Variants in STK10 observed in about 807,000 individuals in gnomAD.
STK10 encodes serine/threonine kinase 10.
In STK10, 78 loss-of-function variants were observed where a neutral mutation model predicts 113.8. The ratio of observed to expected loss-of-function variants is 0.69; its 90% CI spans 0.57 to 0.83. The LOEUF (loss-of-function observed/expected upper bound fraction) is 0.83. STK10 is among the 40% of genes least tolerant of loss of function. The pLI is 0.00. For synonymous variants in STK10, 465 were observed against 494.7 expected (o/e 0.94, Z 0.80); for missense variants, 1,109 against 1,280.1 (o/e 0.87, Z 2.04).
chr5:172,076,301 C>T (rs1348435287), intron 12 of STK10, among the ~76,000 whole-genome samples: 1 of 120,784 alleles, frequency 8.3e-6, no homozygotes, highest in East Asian at 2.4e-4. Context: ...CTGTCCTGTG[C>T]GTTAGTTGTG....
In STK10 at chr5:172,120,852, AATG is replaced by A. The variant is rs1163114986; in HGVS notation, c.371-3225_371-3223del. Among the ~76,000 whole-genome samples the A allele has an allele frequency of 1.3e-5, 2 of 152,144 alleles. No homozygotes were observed. The highest frequency in any genetic ancestry group is 6.5e-5 in the Admixed American group (1 of 15,268). On this transcript the variant is annotated intron_variant, in intron 3 of 18. Coordinates refer to ENST00000176763, the MANE Select transcript of STK10 (RefSeq NM_005990.4). The surrounding 1 kb of genome is among the most constrained non-coding windows in gnomAD (Gnocchi z 4.0). Reference sequence around the variant, plus strand: ...ATGAAATAGGAATGACAAAAATACTAATGATGATGATGAAGATAATTATGATCT... The same window carrying A: ...ATGAAATAGGAATGACAAAAATACTAATGATGATGAAGATAATTATGATCT...
intron 4 of STK10, among the ~76,000 whole-genome samples, chr5:172,109,608 A>G (rs926678955): frequency 6.6e-6 from 1 of 152,136 alleles, no homozygotes; most frequent in Non-Finnish European, 1.5e-5. Flanking sequence ...GGACCGGCCA[A>G]TAAGATGTAT....
chr5:172,156,430 T>G (rs536356752), intron 2 of STK10, among the ~76,000 whole-genome samples, 194 bp downstream of exon 2: 74 of 152,306 alleles, frequency 4.9e-4, no homozygotes, highest in African/African-American at 1.6e-3. Context: ...AAATCACTAG[T>G]TCTACTCCCA....
intron 9 of STK10, among the ~76,000 whole-genome samples, chr5:172,090,907 C>T (rs1768687053): frequency 7.0e-6 from 1 of 142,616 alleles, no homozygotes; most frequent in South Asian, 2.2e-4. Context: ...TGCACTCCAG[C>T]CTGGGCCATA....
intron 2 of STK10, among the ~76,000 whole-genome samples, chr5:172,151,190 C>A (rs940452091): frequency 1.3e-5 from 2 of 152,196 alleles, no homozygotes; most frequent in African/African-American, 4.8e-5. Flanking sequence ...TTCCTACAGG[C>A]ACTACTGTGA....
At chr5:172,056,046 T>C (rs1053230332) in intron 15 of STK10, among the ~76,000 whole-genome samples, 16 of 152,148 alleles carry the variant, frequency 1.1e-4, no homozygotes, top group South Asian at 2.1e-4. Context: ...AGCTAATATC[T>C]CAAAGCAAAA....
At chr5:172,084,047 T>C (rs1768495505) in intron 10 of STK10, among the ~76,000 whole-genome samples, 1 of 152,082 alleles carries the variant, frequency 6.6e-6, no homozygotes. Context: ...GATGGAATTC[T>C]ATACAACCTT....
At chr5:172,055,567 C>G (rs371987538) in intron 16 of STK10, 21 bp downstream of exon 16, 2 of 1,432,290 alleles carry the variant, frequency 1.4e-6, no homozygotes, top group Admixed American at 2.6e-5. Flanking sequence ...CACTTGCAGA[C>G]CCCGCAGGCC....
chr5:172,177,703 C>A (rs1397143806), intron 1 of STK10, among the ~76,000 whole-genome samples: 2 of 152,300 alleles, frequency 1.3e-5, no homozygotes, highest in South Asian at 2.1e-4. Flanking sequence ...AAATTCATTT[C>A]CCTATTTTTC....
intron 12 of STK10, among the ~76,000 whole-genome samples, chr5:172,070,683 C>T (rs1419329277): frequency 6.6e-6 from 1 of 151,706 alleles, no homozygotes. Context: ...AAAGCTGGTT[C>T]TTTGATAAGG....
Position 172,057,041 on chromosome 5 carries a change from GAA to G in STK10, c.2337+306_2337+307del, listed in dbSNP as rs200632084. The G allele has an allele frequency of 1.0e-3, 198 of 198,192 alleles. 1 individual carries two copies. The highest frequency in any genetic ancestry group is 4.4e-3 in the African/African-American group (179 of 41,082). The allele number at this position is 198,192 out of a possible 1,614,324, so 12.3% of individuals were successfully genotyped here. ...AGAAAGAAAGAAAGAAAGAAAGAAAGAAAGAAAGAAAAGAAGAAAGGGAAAAA... is the reference window on the plus strand; with the variant it reads ...AGAAAGAAAGAAAGAAAGAAAGAAAGAGAAAGAAAAGAAGAAAGGGAAAAA... On this transcript the variant is annotated intron_variant, in intron 15 of 18. Coordinates refer to ENST00000176763, the MANE Select transcript of STK10 (RefSeq NM_005990.4).
At chr5:172,160,720 A>G (rs1770453596) in intron 1 of STK10, among the ~76,000 whole-genome samples, 1 of 152,170 alleles carries the variant, frequency 6.6e-6, no homozygotes, top group Non-Finnish European at 1.5e-5. Flanking sequence ...CTAGCACCCT[A>G]TGGATGACAA....
chr5:172,061,015 AATG>A, intron 14 of STK10, 121 bp downstream of exon 14: 2 of 1,402,678 alleles, frequency 1.4e-6, no homozygotes, highest in Non-Finnish European at 1.9e-6. Flanking sequence ...CCCCATGAAG[AATG>A]ATGTTTAGTT....
intron 6 of STK10, 42 bp downstream of exon 6, chr5:172,106,578 G>A (rs755475955): frequency 6.3e-6 from 10 of 1,583,250 alleles, no homozygotes; most frequent in Middle Eastern, 2.3e-4. Context: ...CCCTAATCCC[G>A]GCGCAGGCAC....
At chr5:172,175,948 C>A (rs1041616233) in intron 1 of STK10, among the ~76,000 whole-genome samples, 12 of 152,164 alleles carry the variant, frequency 7.9e-5, no homozygotes, top group African/African-American at 2.9e-4. Context: ...AAATGATGGA[C>A]ATGTAGGAAC....
At chr5:172,179,955 T>C (rs1474305317) in intron 1 of STK10, among the ~76,000 whole-genome samples, 1 of 152,118 alleles carries the variant, frequency 6.6e-6, no homozygotes, top group African/African-American at 2.4e-5. Context: ...GAGGGCAGAA[T>C]GTCACATCAC....
intron 15 of STK10, among the ~76,000 whole-genome samples, chr5:172,056,172 C>G (rs993283050): frequency 2.0e-5 from 3 of 152,216 alleles, no homozygotes; most frequent in African/African-American, 7.2e-5. Flanking sequence ...TATTTCAAAG[C>G]TCAGCATGGG....
chr5:172,165,911 A>G (rs2113827817), intron 1 of STK10, among the ~76,000 whole-genome samples: 1 of 151,758 alleles, frequency 6.6e-6, no homozygotes, highest in South Asian at 2.1e-4. Context: ...CTCCTGCCTC[A>G]GCCTCCCGAG....
intron 5 of STK10, 155 bp from the exon 6 acceptor site, chr5:172,106,969 G>A: frequency 1.4e-6 from 1 of 697,500 alleles, no homozygotes; most frequent in South Asian, 2.1e-5. Context: ...GTCTTCCTTA[G>A]GACGCTCTTC....
Sources: gnomAD v4.1 joint callset for allele counts (sites outside exome capture counted in the v4.1 genomes callset) on GRCh38, gnomAD v4.1.1 for gene constraint, Gnocchi (gnomAD v3.1) non-coding constraint, MANE v1.5 for transcripts, NCBI Gene and HGNC (gene_info 2026-07-23, HGNC 2026-07-21) for gene names.